The following CD200 variants were observed in gnomAD, a reference collection of about 807,000 sequenced individuals.
CD200 encodes the protein CD200 molecule, also known as OX-2 membrane glycoprotein.
In CD200, 15 loss-of-function variants were observed where a neutral mutation model predicts 30.9. The ratio of observed to expected loss-of-function variants is 0.49; its 90% CI spans 0.32 to 0.75. CD200 has a LOEUF of 0.75. Among genes scored for constraint, CD200 ranks in the 30% least tolerant of loss-of-function variants. CD200 has a pLI of 0.03. For missense variants in CD200, 262 were observed against 324.2 expected (o/e 0.81, Z 1.47); for synonymous variants, 134 against 126.2 (o/e 1.06, Z -0.41).
At position 112,349,714 on chromosome 3, in the gene CD200, T is replaced by TA; in HGVS notation, c.698dup (p.Tyr233Ter). The TA allele has an allele frequency of 6.2e-7, 1 of 1,611,894 alleles. No homozygotes were observed. Among genetic ancestry groups the TA allele is most frequent in the South Asian group, 1.1e-5 (1 of 90,552 alleles). ...TDFKQTVNKG[Y>*]WFSVPLLLSI... ...TTTTCTTTCTTCAATATCTATAGGC[T>TA]ATTGGTTTTCAGTTCCGCTATTGCT... The change falls in exon 5 of 6, where the codon TAT becomes TAAT. Residue 233 changes from tyrosine (Y) to a stop codon, truncating the protein, a stop_gained and frameshift_variant. Transcript: ENST00000315711. LOFTEE classifies it high-confidence loss of function.
At chr3:112,352,189 G>A (rs934656732) in intron 5 of CD200, among the ~76,000 whole-genome samples, 4 of 152,022 alleles carry the variant, frequency 2.6e-5, no homozygotes, top group Non-Finnish European at 1.5e-5. Context: ...AAATGCTCAG[G>A]GCTAAGAAAA....
At chr3:112,343,735 G>A (rs1054992481) in intron 2 of CD200, among the ~76,000 whole-genome samples, 1 of 151,602 alleles carries the variant, frequency 6.6e-6, no homozygotes, top group Non-Finnish European at 1.5e-5. Context: ...TATATATTTC[G>A]GAGTTATGTT....
chr3:112,340,807 G>A, intron 1 of CD200, 95 bp from the exon 2 acceptor site: 4 of 823,198 alleles, frequency 4.9e-6, no homozygotes, highest in Non-Finnish European at 6.0e-6. Flanking sequence ...TAAAAACTTA[G>A]CTACAACATT....
rs2081742370 is a variant in CD200 at position 112,361,564 on chromosome 3, C to T, written c.*14C>T. On this transcript the variant is annotated 3_prime_UTR_variant, in exon 6 of 6. Coordinates refer to ENST00000315711, the MANE Select transcript of CD200 (RefSeq NM_005944.7). Reference sequence around the variant, plus strand: ...CCAGAGCCCTAAATAAGTCACACAGCACCCTGAAAGTGATTCCCTGGTCTA... The same window carrying T: ...CCAGAGCCCTAAATAAGTCACACAGTACCCTGAAAGTGATTCCCTGGTCTA... 6.2e-7 allele frequency: 1 copy of T among 1,607,278 alleles called. No homozygotes were observed. Among genetic ancestry groups the T allele is most frequent in the South Asian group, 1.1e-5 (1 of 90,920 alleles).
chr3:112,350,004 T>C, intron 5 of CD200, 185 bp downstream of exon 5: 4 of 978,700 alleles, frequency 4.1e-6, no homozygotes, highest in Non-Finnish European at 4.9e-6. Flanking sequence ...AATTGGACAT[T>C]AAATTGGACA....
At position 112,344,207 on chromosome 3, in the gene CD200, T is replaced by C. The variant is rs145301362; in HGVS notation, c.95-755T>C. ...CATTTTGTATGAGTTATTGGGTTTG[T>C]AAAGTTTATTATTTCTCTTTCATTG... On this transcript the variant is annotated intron_variant, in intron 2 of 5. Coordinates refer to ENST00000315711, the MANE Select transcript of CD200 (RefSeq NM_005944.7). Among the ~76,000 whole-genome samples the C allele has an allele frequency of 6.7e-3, 1,020 of 152,358 alleles. 14 individuals carry two copies. The highest frequency in any genetic ancestry group is 0.024 in the African/African-American group (980 of 41,590).
At chr3:112,346,843 G>A (rs761479137) in intron 3 of CD200, among the ~76,000 whole-genome samples, 2 of 152,154 alleles carry the variant, frequency 1.3e-5, no homozygotes, top group East Asian at 1.9e-4. Context: ...TTTCAAAAGG[G>A]TACAGGCTAC....
intron 2 of CD200, 118 bp downstream of exon 2, chr3:112,341,101 C>T (rs2081229324): frequency 1.6e-6 from 1 of 628,978 alleles, no homozygotes; most frequent in Non-Finnish European, 2.8e-6. Context: ...ATTATTTAAG[C>T]ATGTAATCTG....
chr3:112,358,117 C>G (rs1471975871), intron 5 of CD200, among the ~76,000 whole-genome samples: 3 of 152,138 alleles, frequency 2.0e-5, no homozygotes, highest in African/African-American at 4.8e-5. Flanking sequence ...CACAGTTACT[C>G]AGACTGGGAC....
At chr3:112,344,157 TTTA>T (rs2081331114) in intron 2 of CD200, among the ~76,000 whole-genome samples, 1 of 152,236 alleles carries the variant, frequency 6.6e-6, no homozygotes, top group African/African-American at 2.4e-5. Flanking sequence ...TGTCAAAGTA[TTTA>T]TTGTCTTATG....
chr3:112,336,637 TC>T (rs1461922989), intron 1 of CD200, among the ~76,000 whole-genome samples: 3 of 151,578 alleles, frequency 2.0e-5, no homozygotes, highest in African/African-American at 7.3e-5. Flanking sequence ...GAAATAAGCT[TC>T]AAATTATAGT....
At chr3:112,333,357 G>A (rs987615943) in intron 1 of CD200, 133 bp downstream of exon 1, 2 of 1,424,874 alleles carry the variant, frequency 1.4e-6, no homozygotes, top group South Asian at 1.5e-5. Flanking sequence ...CTAGATCAGC[G>A]GTGTTGATGG....
chr3:112,347,622 C>T lies in CD200; in HGVS notation c.486C>T (p.Ala162=), dbSNP rs1417639623. ...ACCACCTAAATATCACTTGCTCTGC[C>T]ACTGCCCGCCCAGCCCCCATGGTCT... is the stretch of plus-strand genomic sequence containing the variant. ...SEDHLNITCS[A]TARPAPMVFW... The change falls in exon 4 of 6, where the codon GCC becomes GCT. Residue 162 remains alanine (A), a synonymous_variant. Coordinates refer to ENST00000315711, the MANE Select transcript of CD200 (RefSeq NM_005944.7). 6.2e-7 allele frequency: 1 copy of T among 1,614,008 alleles called. No homozygotes were observed. The highest frequency in any genetic ancestry group is 8.5e-7 in the Non-Finnish European group (1 of 1,179,906).
intron 2 of CD200, 22 bp downstream of exon 2, chr3:112,341,005 G>A (rs1029249625): frequency 5.9e-6 from 9 of 1,514,620 alleles, no homozygotes; most frequent in Non-Finnish European, 7.3e-6. Flanking sequence ...CAATTCCCCT[G>A]CTTGGAGCCC....
chr3:112,333,553 C>T (rs974343808), intron 1 of CD200: 2 of 985,416 alleles, frequency 2.0e-6, no homozygotes, highest in Non-Finnish European at 1.2e-6. Context: ...CGGGCAGGCT[C>T]GGCTCGGCTC....
chr3:112,333,110 G>T, upstream of CD200: 1 of 1,509,154 alleles, frequency 6.6e-7, no homozygotes, highest in Non-Finnish European at 8.9e-7. Context: ...GGAAGAGGCG[G>T]GAGGTGCGGC....
intron 3 of CD200, 40 bp from the exon 4 acceptor site, chr3:112,347,518 T>G: frequency 6.2e-7 from 1 of 1,600,326 alleles, no homozygotes; most frequent in Non-Finnish European, 8.6e-7. Context: ...TCAGACCAGG[T>G]GCTTAACTGA....
At chr3:112,349,860 A>C in intron 5 of CD200, 41 bp downstream of exon 5, 2 of 1,556,618 alleles carry the variant, frequency 1.3e-6, no homozygotes, top group Non-Finnish European at 1.7e-6. Context: ...CATAAATTAA[A>C]TTTGATTTTT....
At chr3:112,335,627 G>C (rs1464744098) in intron 1 of CD200, among the ~76,000 whole-genome samples, 2 of 152,318 alleles carry the variant, frequency 1.3e-5, no homozygotes, top group East Asian at 1.9e-4. Flanking sequence ...AGACACTCAG[G>C]TATGTGGCAG....
Sources: gnomAD v4.1 joint callset for allele counts (sites outside exome capture counted in the v4.1 genomes callset) on GRCh38, gnomAD v4.1.1 for gene constraint, MANE v1.5 for transcripts, NCBI Gene and HGNC (gene_info 2026-07-23, HGNC 2026-07-21) for gene names.